ANKRD44: variants seen among roughly 807,000 people sequenced by gnomAD.
The protein encoded by ANKRD44 is serine/threonine-protein phosphatase 6 regulatory ankyrin repeat subunit B.
A neutral mutation model predicts 116.0 loss-of-function variants in ANKRD44; 35 were observed. The observed-to-expected ratio is 0.30, with a 90% CI of 0.23 to 0.40. The LOEUF (loss-of-function observed/expected upper bound fraction) is 0.40. Ranked by LOEUF, ANKRD44 falls within the 10% of genes least tolerant of loss-of-function variation. ANKRD44 has a pLI of 1.00. For synonymous variants in ANKRD44, 435 were observed against 461.8 expected, an observed-to-expected ratio of 0.94 and a Z score of 0.74; for missense variants, 1,014 against 1,242.6, an observed-to-expected ratio of 0.82 and a Z score of 2.77.
chr2:197,119,571 G>C (rs2078803854), intron 8 of ANKRD44, among the ~76,000 whole-genome samples: 1 of 152,068 alleles, frequency 6.6e-6, no homozygotes, highest in Non-Finnish European at 1.5e-5. Flanking sequence ...TACTCTATTT[G>C]ATACAATCAA....
chr2:197,197,672 C>T (rs543034062), intron 1 of ANKRD44, among the ~76,000 whole-genome samples: 3 of 151,834 alleles, frequency 2.0e-5, no homozygotes, highest in Admixed American at 6.6e-5. Context: ...TAGCTGGGCA[C>T]GGTGGCGCAC....
At chr2:197,085,291 C>T (rs1289372607) in intron 13 of ANKRD44, among the ~76,000 whole-genome samples, 1 of 152,060 alleles carries the variant, frequency 6.6e-6, no homozygotes, top group Non-Finnish European at 1.5e-5. Flanking sequence ...CACGACGGGG[C>T]CCAAAGATAG....
intron 2 of ANKRD44, among the ~76,000 whole-genome samples, chr2:197,169,818 T>G (rs546344457): frequency 6.6e-6 from 1 of 152,200 alleles, no homozygotes; most frequent in South Asian, 2.1e-4. Flanking sequence ...CCAGAGACTC[T>G]AATTCTAGAG....
intron 7 of ANKRD44, 41 bp from the exon 8 acceptor site, chr2:197,121,585 G>T (rs375264987): frequency 2.9e-5 from 44 of 1,540,532 alleles, no homozygotes; most frequent in Non-Finnish European, 3.7e-5. Context: ...AGTCATTAGA[G>T]CCAGTTTACT....
At chr2:197,066,750 A>C (rs1241089927) in intron 16 of ANKRD44, among the ~76,000 whole-genome samples, 1 of 152,234 alleles carries the variant, frequency 6.6e-6, no homozygotes, top group East Asian at 1.9e-4. Context: ...CTCTTCAAGC[A>C]GAACTACAAA....
chr2:197,142,110 C>T (rs2079382045), intron 3 of ANKRD44, among the ~76,000 whole-genome samples: 1 of 152,180 alleles, frequency 6.6e-6, no homozygotes, highest in Non-Finnish European at 1.5e-5. Context: ...ATCCATCAGA[C>T]ATGATCTGTA....
intron 10 of ANKRD44, among the ~76,000 whole-genome samples, chr2:197,094,134 C>T (rs1559056451): frequency 6.6e-6 from 1 of 152,234 alleles, no homozygotes; most frequent in African/African-American, 2.4e-5. Context: ...CCCTTGGCAT[C>T]AGAGAGATGT....
At chr2:197,033,628 T>TG (rs2124906247) in intron 16 of ANKRD44, among the ~76,000 whole-genome samples, 1 of 150,704 alleles carries the variant, frequency 6.6e-6, no homozygotes, top group South Asian at 2.1e-4. Context: ...AGCACAGGGA[T>TG]GGGGGCAGGA....
At chr2:197,010,111 G>GA (rs1191198620) in intron 18 of ANKRD44, among the ~76,000 whole-genome samples, 1 of 152,138 alleles carries the variant, frequency 6.6e-6, no homozygotes. Flanking sequence ...GAGACGGTCA[G>GA]AAGGGAAGGG....
At chr2:197,257,016 T>C (rs545452370) in intron 1 of ANKRD44, among the ~76,000 whole-genome samples, 1 of 152,080 alleles carries the variant, frequency 6.6e-6, no homozygotes, top group East Asian at 1.9e-4. Flanking sequence ...TCCAAACCTC[T>C]ACAAGCAGCT....
intron 1 of ANKRD44, among the ~76,000 whole-genome samples, chr2:197,254,883 G>T (rs1330267661): frequency 6.6e-6 from 1 of 152,198 alleles, no homozygotes; most frequent in African/African-American, 2.4e-5. Context: ...CCCCAGAGGG[G>T]TGCACACCTA....
At chr2:197,194,042 T>C (rs2080889135) in intron 1 of ANKRD44, among the ~76,000 whole-genome samples, 1 of 152,136 alleles carries the variant, frequency 6.6e-6, no homozygotes, top group African/African-American at 2.4e-5. Context: ...TTTATGTGCA[T>C]CCTAAAAAAG....
chr2:197,108,361 TA>T (rs2078483643), intron 9 of ANKRD44, among the ~76,000 whole-genome samples: 1 of 152,252 alleles, frequency 6.6e-6, no homozygotes, highest in Non-Finnish European at 1.5e-5. Context: ...CACTTAGCTT[TA>T]TCATTATATA....
intron 21 of ANKRD44, among the ~76,000 whole-genome samples, chr2:196,969,837 A>G (rs949729107): frequency 6.6e-6 from 1 of 152,352 alleles, no homozygotes; most frequent in African/African-American, 2.4e-5. Context: ...GCAGCTAAGG[A>G]GTAATGAAGA....
At chr2:196,980,725 A>G (rs6735887) in intron 21 of ANKRD44, among the ~76,000 whole-genome samples, 90,705 of 152,024 alleles carry the variant, frequency 0.6, 30,101 homozygotes, top group East Asian at 0.82. Context: ...CCATATGGTC[A>G]TAAAACCTGT....
intron 4 of ANKRD44, 28 bp from the exon 5 acceptor site, chr2:197,126,065 T>TC: frequency 6.2e-7 from 1 of 1,611,910 alleles, no homozygotes; most frequent in Non-Finnish European, 8.5e-7. Context: ...TTTGCAGAGG[T>TC]CACTGACAGA....
At chr2:197,115,370 T>C (rs1253718562) in intron 8 of ANKRD44, among the ~76,000 whole-genome samples, 1 of 152,278 alleles carries the variant, frequency 6.6e-6, no homozygotes, top group Non-Finnish European at 1.5e-5. Context: ...TACTTTCTCA[T>C]GTTCTACCTA....
chr2:197,284,289 C>T (rs1023839986), intron 1 of ANKRD44, among the ~76,000 whole-genome samples: 17 of 152,226 alleles, frequency 1.1e-4, no homozygotes, highest in African/African-American at 4.1e-4. Flanking sequence ...TCTGGGTATT[C>T]GCTGCATTCC....
intron 16 of ANKRD44, among the ~76,000 whole-genome samples, chr2:197,025,662 A>C (rs1045220005): frequency 6.6e-6 from 1 of 152,236 alleles, no homozygotes; most frequent in African/African-American, 2.4e-5. Context: ...AAAATAAGAA[A>C]ACATTTGGAA....
Sources: gnomAD v4.1 joint callset for allele counts (sites outside exome capture counted in the v4.1 genomes callset) on GRCh38, gnomAD v4.1.1 for gene constraint, MANE v1.5 for transcripts, NCBI Gene and HGNC (gene_info 2026-07-23, HGNC 2026-07-21) for gene names.